ARL15: variants seen among roughly 807,000 people sequenced by gnomAD.
ARL15 encodes ARF like GTPase 15, also known as ADP-ribosylation factor-like protein 15.
In ARL15, 19 loss-of-function variants were observed where a neutral mutation model predicts 25.2. That is an observed-to-expected ratio of 0.75 (90% CI 0.53 to 1.10). ARL15 has a LOEUF of 1.10. Among genes scored for constraint, ARL15 ranks in the 50% least tolerant of loss-of-function variants. The pLI, the probability that ARL15 is intolerant of heterozygous loss-of-function variation, is 0.00. For missense variants in ARL15, 220 were observed against 246.0 expected (o/e 0.89, Z 0.71); for synonymous variants, 94 against 86.8 (o/e 1.08, Z -0.46).
At chr5:53,916,306 A>AAAG (rs1554026150) in intron 4 of ARL15, among the ~76,000 whole-genome samples, 1 of 148,248 alleles carries the variant, frequency 6.7e-6, no homozygotes, top group Non-Finnish European at 1.5e-5. Context: ...AAAAAAAAAA[A>AAAG]GAGAAATAGA....
chr5:53,983,421 C>T (rs921100590), intron 4 of ARL15, among the ~76,000 whole-genome samples: 1 of 152,180 alleles, frequency 6.6e-6, no homozygotes, highest in Non-Finnish European at 1.5e-5. Context: ...CTGAAATTTT[C>T]AGTTTGGGGA....
chr5:53,958,990 T>G (rs1184610061), intron 4 of ARL15, among the ~76,000 whole-genome samples: 1 of 152,094 alleles, frequency 6.6e-6, no homozygotes, highest in Admixed American at 6.5e-5. Context: ...CTTTCAATAA[T>G]AGAAAGAATA....
intron 3 of ARL15, among the ~76,000 whole-genome samples, chr5:54,125,085 G>T (rs59420346): frequency 0.24 from 32,378 of 134,860 alleles, 4,549 homozygotes; most frequent in African/African-American, 0.38. Flanking sequence ...GTTTTGTTTT[G>T]TTTTTTTTTT....
chr5:54,025,144 T>C (rs1033937665), intron 4 of ARL15, among the ~76,000 whole-genome samples: 1 of 152,088 alleles, frequency 6.6e-6, no homozygotes, highest in Non-Finnish European at 1.5e-5. Context: ...TGCCACTAAA[T>C]GGAAATGAAA....
At chr5:54,309,132 G>C (rs1219063394) in intron 1 of ARL15, among the ~76,000 whole-genome samples, 1 of 152,192 alleles carries the variant, frequency 6.6e-6, no homozygotes, top group African/African-American at 2.4e-5. Flanking sequence ...ACAGTACTGG[G>C]TGAATAATAT....
chr5:54,295,243 T>G (rs979763625), intron 1 of ARL15, among the ~76,000 whole-genome samples: 1 of 152,188 alleles, frequency 6.6e-6, no homozygotes, highest in Non-Finnish European at 1.5e-5. Context: ...TAATTATTTA[T>G]GATAAAACAG....
intron 3 of ARL15, among the ~76,000 whole-genome samples, chr5:54,136,000 C>T (rs190413430): frequency 6.6e-6 from 1 of 152,106 alleles, no homozygotes; most frequent in African/African-American, 2.4e-5. Flanking sequence ...GAAAACACTG[C>T]CTTGTCTCAT....
chr5:54,131,484 C>A (rs965731195), intron 3 of ARL15, among the ~76,000 whole-genome samples: 11 of 152,146 alleles, frequency 7.2e-5, no homozygotes, highest in African/African-American at 2.7e-4. Flanking sequence ...ACCACAAAAC[C>A]CTTCCTTTTA....
At chr5:53,940,873 T>C (rs547374132) in intron 4 of ARL15, among the ~76,000 whole-genome samples, 78 of 152,314 alleles carry the variant, frequency 5.1e-4, no homozygotes, top group Admixed American at 1.2e-3. Flanking sequence ...AATGTCTTTG[T>C]AGTTTTATTA....
At chr5:53,888,085 TA>T (rs539443200) in intron 4 of ARL15, among the ~76,000 whole-genome samples, 32 of 148,638 alleles carry the variant, frequency 2.2e-4, no homozygotes, top group African/African-American at 5.7e-4. Flanking sequence ...AACACTAATT[TA>T]AAAAAAAAAC....
chr5:54,274,182 A>G (rs1048076564), intron 1 of ARL15, among the ~76,000 whole-genome samples: 1 of 152,116 alleles, frequency 6.6e-6, no homozygotes, highest in South Asian at 2.1e-4. Flanking sequence ...AGCCCAGGGC[A>G]TGAGCAGGTT....
At chr5:53,999,349 G>A (rs1201451512) in intron 4 of ARL15, among the ~76,000 whole-genome samples, 1 of 152,188 alleles carries the variant, frequency 6.6e-6, no homozygotes, top group Non-Finnish European at 1.5e-5. Context: ...AGCACTTTGG[G>A]AGGCCGAGGC....
chr5:54,247,454 C>G (rs2112589927), intron 1 of ARL15, among the ~76,000 whole-genome samples: 1 of 151,818 alleles, frequency 6.6e-6, no homozygotes, highest in Non-Finnish European at 1.5e-5. Context: ...CAATTCACAC[C>G]CTATGAACGC....
chr5:54,247,578 G>GAAAAAAAAAAAAAA (rs1554050253), intron 1 of ARL15, among the ~76,000 whole-genome samples: 1 of 113,466 alleles, frequency 8.8e-6, no homozygotes. Flanking sequence ...GAAAGGAAGA[G>GAAAAAAAAAAAAAA]AAAAAAAAAA....
intron 1 of ARL15, among the ~76,000 whole-genome samples, chr5:54,266,399 T>C (rs910884144): frequency 1.3e-5 from 2 of 152,166 alleles, no homozygotes; most frequent in African/African-American, 4.8e-5. Flanking sequence ...AATCACAAAG[T>C]AGAGACAAAA....
rs2096941497 is a variant in ARL15 at position 54,129,400 on chromosome 5, T to C, written c.254-15990A>G. On this transcript the variant is annotated intron_variant, in intron 3 of 4. Transcript: ENST00000504924. Reference sequence around the variant, plus strand: ...TTCAGAGCATATTAGAAGTAGTAAATCATTATGTGGGTGATGGAAGAGAGA... The same window carrying C: ...TTCAGAGCATATTAGAAGTAGTAAACCATTATGTGGGTGATGGAAGAGAGA... 2.0e-5 allele frequency among the ~76,000 whole-genome samples: 3 copies of C among 151,932 alleles called. No individual in the cohort carries two copies. The South Asian group carries it at 6.2e-4, about 32-fold the overall frequency.
At chr5:54,091,115 TG>T (rs1358570417) in intron 4 of ARL15, among the ~76,000 whole-genome samples, 1 of 152,164 alleles carries the variant, frequency 6.6e-6, no homozygotes, top group African/African-American at 2.4e-5. Context: ...TATCAGACCA[TG>T]GGGAAAATCT....
At chr5:53,927,697 T>C (rs1561153117) in intron 4 of ARL15, among the ~76,000 whole-genome samples, 1 of 152,140 alleles carries the variant, frequency 6.6e-6, no homozygotes, top group Non-Finnish European at 1.5e-5. Flanking sequence ...GGTAGCTGTG[T>C]TTGGGACATC....
intron 2 of ARL15, among the ~76,000 whole-genome samples, chr5:54,157,495 T>C (rs1289341261): frequency 6.6e-6 from 1 of 152,122 alleles, no homozygotes; most frequent in Non-Finnish European, 1.5e-5. Flanking sequence ...CACTGCAACC[T>C]CCATCTCCCG....
Sources: allele counts gnomAD v4.1 joint callset (sites outside exome capture counted in the v4.1 genomes callset), GRCh38; gene constraint gnomAD v4.1.1; transcripts MANE v1.5; gene names NCBI Gene and HGNC (gene_info 2026-07-23, HGNC 2026-07-21).